Variants in MAP7 observed in about 807,000 individuals in gnomAD.
The protein encoded by MAP7 is microtubule associated protein 7.
A neutral mutation model predicts 94.8 loss-of-function variants in MAP7; 52 were observed. The observed-to-expected ratio is 0.55, with a 90% CI of 0.44 to 0.69. The LOEUF is 0.69. MAP7 is among the 30% of genes least tolerant of loss of function. The probability of loss-of-function intolerance (pLI) is 0.00; values close to 1 mark genes in which losing one functional copy is unlikely to be tolerated. For missense variants in MAP7, 940 were observed against 964.6 expected (o/e 0.97, Z 0.34); for synonymous variants, 350 against 357.0 (o/e 0.98, Z 0.22).
chr6:136,528,636 G>T (rs1346400328), intron 1 of MAP7, among the ~76,000 whole-genome samples: 2 of 152,196 alleles, frequency 1.3e-5, no homozygotes, highest in Admixed American at 1.3e-4. Context: ...TTAAGCAAAT[G>T]ACTAATTTCA....
chr6:136,518,509 G>A (rs767340308), intron 1 of MAP7, among the ~76,000 whole-genome samples: 1 of 152,106 alleles, frequency 6.6e-6, no homozygotes, highest in Non-Finnish European at 1.5e-5. Flanking sequence ...GGGTATAATG[G>A]GGTATGACTT....
intron 6 of MAP7, among the ~76,000 whole-genome samples, chr6:136,381,952 GTCAATCTA>G (rs1777914551): frequency 6.7e-6 from 1 of 148,696 alleles, no homozygotes; most frequent in Non-Finnish European, 1.5e-5. Context: ...TGGAGTCAGA[GTCAATCTA>G]AGAAAGGACA....
At chr6:136,485,487 G>A (rs1814345248) in intron 1 of MAP7, among the ~76,000 whole-genome samples, 4 of 151,488 alleles carry the variant, frequency 2.6e-5, no homozygotes, top group African/African-American at 9.7e-5. Context: ...ATCAAATTTA[G>A]AGGGTCACCT....
chr6:136,514,023 T>C (rs1824031486), intron 1 of MAP7, among the ~76,000 whole-genome samples: 1 of 152,164 alleles, frequency 6.6e-6, no homozygotes, highest in Non-Finnish European at 1.5e-5. Context: ...CTCTTGAACC[T>C]GGTGCCATCC....
At chr6:136,502,421 T>C (rs1820066926) in intron 1 of MAP7, among the ~76,000 whole-genome samples, 1 of 152,222 alleles carries the variant, frequency 6.6e-6, no homozygotes, top group African/African-American at 2.4e-5. Context: ...AAAAGTAACC[T>C]GAATTAGAAA....
intron 1 of MAP7, among the ~76,000 whole-genome samples, chr6:136,479,590 A>G (rs569439105): frequency 6.6e-6 from 1 of 152,340 alleles, no homozygotes; most frequent in African/African-American, 2.4e-5. Flanking sequence ...AGATGATATG[A>G]CCTCATATTT....
At chr6:136,526,216 C>G (rs1583146469) in intron 1 of MAP7, 1 of 1,221,764 alleles carries the variant, frequency 8.2e-7, no homozygotes, top group Non-Finnish European at 1.0e-6. Context: ...CTCCCACTGA[C>G]TCCCCGACAG....
At chr6:136,467,649 T>C (rs988275999) in intron 1 of MAP7, among the ~76,000 whole-genome samples, 16 of 152,222 alleles carry the variant, frequency 1.1e-4, no homozygotes, top group Non-Finnish European at 2.2e-4. Context: ...ACCACACTTT[T>C]GACTTGGGAT....
intron 1 of MAP7, among the ~76,000 whole-genome samples, chr6:136,483,377 G>C (rs555296891): frequency 7.9e-5 from 12 of 151,724 alleles, no homozygotes; most frequent in Non-Finnish European, 1.5e-4. Context: ...GGGCGGGAGG[G>C]GGGTGAGGAC....
At chr6:136,515,314 CTT>C (rs1824480809) in intron 1 of MAP7, among the ~76,000 whole-genome samples, 1 of 152,188 alleles carries the variant, frequency 6.6e-6, no homozygotes, top group South Asian at 2.1e-4. Context: ...CCACTCAAAT[CTT>C]CTTTGTATCA....
chr6:136,535,874 C>A (rs1456038370), intron 1 of MAP7, among the ~76,000 whole-genome samples: 1 of 151,796 alleles, frequency 6.6e-6, no homozygotes, highest in African/African-American at 2.4e-5. Flanking sequence ...TTAGGTATAT[C>A]TCCTAATGCT....
chr6:136,402,392 C>T (rs1784338402), intron 3 of MAP7, among the ~76,000 whole-genome samples: 1 of 152,242 alleles, frequency 6.6e-6, no homozygotes, highest in African/African-American at 2.4e-5. Flanking sequence ...TCAAAGCCTT[C>T]TCAACTTGTC....
chr6:136,366,221 C>T, intron 9 of MAP7, 106 bp downstream of exon 9: 1 of 1,125,676 alleles, frequency 8.9e-7, no homozygotes, highest in Non-Finnish European at 1.3e-6. Flanking sequence ...ATGCTATTCC[C>T]TAAGTCAAAG....
chr6:136,419,211 G>A (rs968636756), intron 2 of MAP7, among the ~76,000 whole-genome samples: 3 of 152,162 alleles, frequency 2.0e-5, no homozygotes, highest in Admixed American at 1.3e-4. Flanking sequence ...TAGAGATTAT[G>A]TCTTTTAATA....
intron 1 of MAP7, among the ~76,000 whole-genome samples, chr6:136,434,163 C>T (rs772470766): frequency 1.3e-4 from 20 of 151,926 alleles, no homozygotes; most frequent in Admixed American, 3.3e-4. Context: ...AAAGATTAGC[C>T]GGGCGTGGTG....
intron 1 of MAP7, among the ~76,000 whole-genome samples, chr6:136,426,521 A>T (rs1793203096): frequency 6.6e-6 from 1 of 152,224 alleles, no homozygotes; most frequent in Non-Finnish European, 1.5e-5. Flanking sequence ...AATGATATAG[A>T]TAGTGTTACA....
At chr6:136,416,443 T>C (rs1456080843) in intron 2 of MAP7, among the ~76,000 whole-genome samples, 7 of 152,214 alleles carry the variant, frequency 4.6e-5, no homozygotes, top group Non-Finnish European at 8.8e-5. Context: ...TTCATTGCCT[T>C]CTTTCTCGTT....
intron 1 of MAP7, among the ~76,000 whole-genome samples, chr6:136,507,006 T>C (rs980350242): frequency 1.4e-4 from 21 of 152,154 alleles, no homozygotes; most frequent in African/African-American, 4.8e-4. Flanking sequence ...GTCCATAAAC[T>C]TGTTCTGACC....
intron 15 of MAP7, among the ~76,000 whole-genome samples, chr6:136,357,644 G>A (rs1791407913): frequency 6.6e-6 from 1 of 151,966 alleles, no homozygotes; most frequent in Admixed American, 6.6e-5. Flanking sequence ...ACAAGTACAT[G>A]CCAACATGCC....
Sources: gnomAD v4.1 joint callset for allele counts (sites outside exome capture counted in the v4.1 genomes callset) on GRCh38, gnomAD v4.1.1 for gene constraint, MANE v1.5 for transcripts, NCBI Gene and HGNC (gene_info 2026-07-23, HGNC 2026-07-21) for gene names.